Variants in NAA11 observed in about 807,000 individuals in gnomAD.
NAA11 encodes the protein N-alpha-acetyltransferase 11, NatA catalytic subunit, also known as N-alpha-acetyltransferase 11.
A neutral mutation model predicts 16.1 loss-of-function variants in NAA11; 15 were observed. The observed-to-expected ratio is 0.93, with a 90% CI of 0.62 to 1.44. The LOEUF (loss-of-function observed/expected upper bound fraction) is 1.44, where lower values mean the gene tolerates loss of function less well. Among genes scored for constraint, NAA11 ranks in the 40% most tolerant of loss-of-function variants. NAA11 has a pLI of 0.00. For missense variants in NAA11, 298 were observed against 291.3 expected (o/e 1.02, Z -0.17); for synonymous variants, 122 against 112.4 (o/e 1.09, Z -0.54).
chr4:79,281,656 T>C (rs1439515336), intron 2 of NAA11, among the ~76,000 whole-genome samples: 1 of 152,118 alleles, frequency 6.6e-6, no homozygotes, highest in East Asian at 1.9e-4. Context: ...GATTAGGATC[T>C]GATTACATAG....
chr4:79,178,144 C>T, the NAA11 span, among the ~76,000 whole-genome samples: 1 of 152,096 alleles, frequency 6.6e-6, no homozygotes, highest in Non-Finnish European at 1.5e-5. Flanking sequence ...TTGCTGGCTG[C>T]CATGGCCCAG....
the NAA11 span, among the ~76,000 whole-genome samples, chr4:79,177,403 T>TA: frequency 1.7e-3 from 33 of 19,858 alleles, no homozygotes; most frequent in African/African-American, 1.8e-3. Flanking sequence ...TTTTGACTTA[T>TA]CAAAAAAAAA....
chr4:79,156,899 A>G, the NAA11 span, among the ~76,000 whole-genome samples: 1 of 152,352 alleles, frequency 6.6e-6, no homozygotes, highest in Non-Finnish European at 1.5e-5. Flanking sequence ...AAAAGAATTT[A>G]GCTCAGAAAT....
the NAA11 span, among the ~76,000 whole-genome samples, chr4:79,180,209 T>C: frequency 6.6e-6 from 1 of 152,186 alleles, no homozygotes; most frequent in Non-Finnish European, 1.5e-5. Context: ...TGGAGTTTGT[T>C]GCTTCAAATG....
At chr4:79,246,376 C>CAAAAAAAAAA (rs1560420199) in intron 2 of NAA11, among the ~76,000 whole-genome samples, 3 of 114,190 alleles carry the variant, frequency 2.6e-5, no homozygotes, top group African/African-American at 3.7e-5. Context: ...TCAATAAATA[C>CAAAAAAAAAA]TAAAAAAAAA....
At chr4:79,196,816 G>T in the NAA11 span, among the ~76,000 whole-genome samples, 2 of 151,688 alleles carry the variant, frequency 1.3e-5, no homozygotes, top group Admixed American at 1.3e-4. Flanking sequence ...AATCACAAGA[G>T]TCCTTTAAAT....
downstream of NAA11, among the ~76,000 whole-genome samples, chr4:79,224,262 G>T (rs1397326791): frequency 1.3e-5 from 2 of 152,128 alleles, no homozygotes; most frequent in Admixed American, 6.6e-5. Context: ...GCTATTGCTA[G>T]TGTCACTGGG....
chr4:79,208,931 A>AAAAAAC, the NAA11 span, among the ~76,000 whole-genome samples: 2 of 146,258 alleles, frequency 1.4e-5, no homozygotes, highest in South Asian at 2.1e-4. Context: ...CTGCCAAAAA[A>AAAAAAC]AAAAAAAAAA....
chr4:79,240,226 T>C (rs1199749957), intron 2 of NAA11, among the ~76,000 whole-genome samples: 2 of 152,184 alleles, frequency 1.3e-5, no homozygotes, highest in Non-Finnish European at 2.9e-5. Context: ...GCAAAAGAAA[T>C]GTAGCAATGG....
intron 2 of NAA11, among the ~76,000 whole-genome samples, chr4:79,267,469 A>G (rs530601379): frequency 6.6e-6 from 1 of 152,322 alleles, no homozygotes; most frequent in African/African-American, 2.4e-5. Flanking sequence ...TGTTTTCTCT[A>G]CTGCAAAATG....
chr4:79,179,922 C>T, the NAA11 span, among the ~76,000 whole-genome samples: 1 of 152,130 alleles, frequency 6.6e-6, no homozygotes, highest in African/African-American at 2.4e-5. Flanking sequence ...AAGCAGACAC[C>T]TTCTTCACAA....
At chr4:79,208,500 C>T in the NAA11 span, among the ~76,000 whole-genome samples, 3 of 151,984 alleles carry the variant, frequency 2.0e-5, no homozygotes, top group African/African-American at 7.2e-5. Flanking sequence ...TTCTATTGGA[C>T]AAAGGGTGGG....
the NAA11 span, among the ~76,000 whole-genome samples, chr4:79,185,001 AG>A: frequency 6.6e-6 from 1 of 152,188 alleles, no homozygotes; most frequent in Non-Finnish European, 1.5e-5. Context: ...AAACTGAAAA[AG>A]CTGTACATAA....
the NAA11 span, among the ~76,000 whole-genome samples, chr4:79,162,854 G>A: frequency 1.3e-5 from 2 of 152,176 alleles, no homozygotes; most frequent in Non-Finnish European, 2.9e-5. Flanking sequence ...AGGCAACATG[G>A]TAGTGTCCAT....
downstream of NAA11, among the ~76,000 whole-genome samples, chr4:79,314,689 T>C (rs2110013177): frequency 6.9e-6 from 1 of 145,344 alleles, no homozygotes; most frequent in Non-Finnish European, 1.5e-5. Flanking sequence ...TTTCAAATCC[T>C]GTCAAATGTT....
At chr4:79,192,369 C>G in the NAA11 span, among the ~76,000 whole-genome samples, 1 of 101,902 alleles carries the variant, frequency 9.8e-6, no homozygotes, top group Non-Finnish European at 1.9e-5. Context: ...CTAATGCTAT[C>G]CCTCCCCCCT....
At chr4:79,286,297 G>A (rs1255203320) in intron 2 of NAA11, among the ~76,000 whole-genome samples, 2 of 151,994 alleles carry the variant, frequency 1.3e-5, no homozygotes, top group Non-Finnish European at 1.5e-5. Context: ...GACACAGTAA[G>A]CAGTCTAAAA....
chr4:79,238,041 A>G (rs566928867), intron 2 of NAA11, among the ~76,000 whole-genome samples: 40 of 152,334 alleles, frequency 2.6e-4, no homozygotes, highest in South Asian at 2.3e-3. Context: ...TTTCTAAGGA[A>G]TGTGCCAAGT....
chr4:79,187,549 T>C, the NAA11 span, among the ~76,000 whole-genome samples: 1 of 152,202 alleles, frequency 6.6e-6, no homozygotes, highest in Non-Finnish European at 1.5e-5. Context: ...ACAATTTATA[T>C]TAGGTTCGGA....
Sources: gnomAD v4.1 joint callset for allele counts (sites outside exome capture counted in the v4.1 genomes callset) on GRCh38, gnomAD v4.1.1 for gene constraint, MANE v1.5 for transcripts, NCBI Gene and HGNC (gene_info 2026-07-23, HGNC 2026-07-21) for gene names.